The following SCP2 variants were observed in gnomAD, a reference collection of about 807,000 sequenced individuals.
The protein encoded by SCP2 is sterol carrier protein 2, also known as SCP-2/3-oxoacyl-CoA thiolase.
SCP2 carries 48 observed loss-of-function variants against 71.4 expected under a neutral mutation model. The observed-to-expected ratio is 0.67, with a 90% CI of 0.53 to 0.86. The LOEUF (loss-of-function observed/expected upper bound fraction) is 0.86. Ranked by LOEUF, SCP2 falls within the 40% of genes least tolerant of loss-of-function variation. The pLI is 0.00. For missense variants in SCP2, 560 were observed against 655.6 expected (o/e 0.85, Z 1.59); for synonymous variants, 220 against 218.1 (o/e 1.01, Z -0.08).
chr1:52,928,481 C>T lies in SCP2; in HGVS notation c.69+1016C>T, dbSNP rs532403376. Reference sequence around the variant, plus strand: ...ACCAGTGGGCTGAGCGTACCTAATTCAGTCCAACATGTAAATAGGCCGGGG... The same window carrying T: ...ACCAGTGGGCTGAGCGTACCTAATTTAGTCCAACATGTAAATAGGCCGGGG... On this transcript the variant is annotated intron_variant, in intron 1 of 15. Coordinates refer to ENST00000371514, the MANE Select transcript of SCP2 (RefSeq NM_002979.5). Among the ~76,000 whole-genome samples, 28 of 152,338 alleles carry T rather than the reference C, an allele frequency of 1.8e-4. No individual in the cohort carries two copies. In the South Asian group the frequency reaches 5.8e-3, roughly 32 times the overall value.
chr1:52,950,726 CAT>C (rs752885337), intron 3 of SCP2, 27 bp from the exon 4 acceptor site: 1 of 1,599,026 alleles, frequency 6.3e-7, no homozygotes, highest in Admixed American at 1.7e-5. Context: ...CATAATTCTC[CAT>C]ATTAAAATTT....
At chr1:53,035,030 G>A (rs1662823238) in intron 13 of SCP2, among the ~76,000 whole-genome samples, 1 of 151,930 alleles carries the variant, frequency 6.6e-6, no homozygotes, top group African/African-American at 2.4e-5. Context: ...GCATGAACCT[G>A]GGAGGCGGAG....
intron 1 of SCP2, chr1:52,928,878 G>C (rs1182434872): frequency 6.5e-6 from 1 of 154,412 alleles, no homozygotes; most frequent in Non-Finnish European, 1.5e-5. Flanking sequence ...TCTAACACAG[G>C]TGGACAGTAG....
chr1:53,013,882 CTTTTTTTT>C (rs71044449), intron 11 of SCP2, among the ~76,000 whole-genome samples: 2 of 63,070 alleles, frequency 3.2e-5, no homozygotes, highest in Non-Finnish European at 6.6e-5. Context: ...ATAGAACATT[CTTTTTTTT>C]TTTTTTTTTT....
chr1:52,948,319 T>G (rs975341256), intron 3 of SCP2, among the ~76,000 whole-genome samples: 3 of 152,222 alleles, frequency 2.0e-5, no homozygotes, highest in Admixed American at 1.3e-4. Flanking sequence ...TGGTGACTAT[T>G]CCAAATTATA....
chr1:52,979,084 A>G (rs962916480), intron 9 of SCP2, among the ~76,000 whole-genome samples: 9 of 152,334 alleles, frequency 5.9e-5, no homozygotes, highest in Admixed American at 2.0e-4. Flanking sequence ...GTAACTGCCC[A>G]AGATCACAGT....
intron 1 of SCP2, among the ~76,000 whole-genome samples, chr1:52,941,270 T>A (rs1654210278): frequency 1.3e-5 from 2 of 152,212 alleles, no homozygotes; most frequent in African/African-American, 4.8e-5. Flanking sequence ...TGGGTAGATG[T>A]CTCTGTCAAG....
At chr1:53,007,281 T>C (rs992649546) in intron 11 of SCP2, among the ~76,000 whole-genome samples, 1 of 152,218 alleles carries the variant, frequency 6.6e-6, no homozygotes, top group Admixed American at 6.5e-5. Context: ...GTGGCCTTAA[T>C]AGACATCTAC....
At chr1:52,981,639 G>A (rs1295928894) in intron 10 of SCP2, among the ~76,000 whole-genome samples, 2 of 151,248 alleles carry the variant, frequency 1.3e-5, no homozygotes, top group Non-Finnish European at 2.9e-5. Flanking sequence ...ACCATGTTGC[G>A]CGGGCTGTTC....
At chr1:53,030,500 C>A (rs1662458076) in intron 13 of SCP2, among the ~76,000 whole-genome samples, 1 of 152,002 alleles carries the variant, frequency 6.6e-6, no homozygotes, top group South Asian at 2.1e-4. Flanking sequence ...CCTTTTAAAA[C>A]ATTTATTTAT....
chr1:52,936,072 A>T (rs1036041898), intron 1 of SCP2, among the ~76,000 whole-genome samples: 2 of 152,260 alleles, frequency 1.3e-5, no homozygotes, highest in Non-Finnish European at 2.9e-5. Context: ...AGAATCAGAT[A>T]TGAGAATTCA....
intron 2 of SCP2, among the ~76,000 whole-genome samples, chr1:52,947,113 G>A (rs1471652558): frequency 6.7e-6 from 1 of 149,404 alleles, no homozygotes; most frequent in East Asian, 2.0e-4. Context: ...CGAGTGTGGT[G>A]ACTCATGTCT....
intron 15 of SCP2, chr1:53,048,943 T>G (rs1438397943): frequency 6.6e-6 from 1 of 152,250 alleles, no homozygotes; most frequent in East Asian, 1.9e-4. Flanking sequence ...CCTGTGGTTC[T>G]CTGGTAATTT....
At chr1:52,936,343 G>C (rs1190646533) in intron 1 of SCP2, among the ~76,000 whole-genome samples, 1 of 152,214 alleles carries the variant, frequency 6.6e-6, no homozygotes, top group Non-Finnish European at 1.5e-5. Flanking sequence ...GGGGTCCTGA[G>C]ACTAAGAAGT....
intron 5 of SCP2, 120 bp from the exon 6 acceptor site, chr1:52,961,383 T>C (rs775106950): frequency 1.1e-5 from 11 of 1,031,416 alleles, no homozygotes; most frequent in Admixed American, 9.8e-5. Context: ...TTGATTCACA[T>C]TGACAATTTC....
intron 11 of SCP2, among the ~76,000 whole-genome samples, chr1:53,000,560 A>C (rs1321932307): frequency 3.3e-5 from 5 of 152,170 alleles, no homozygotes; most frequent in Non-Finnish European, 7.3e-5. Flanking sequence ...ACATCAGTTC[A>C]GTAGTGACTT....
chr1:53,017,565 T>C (rs769731855), intron 12 of SCP2, among the ~76,000 whole-genome samples: 3 of 152,250 alleles, frequency 2.0e-5, no homozygotes, highest in Admixed American at 6.5e-5. Context: ...TATTCCATTG[T>C]ATGGAAGTGT....
At chr1:53,015,403 G>C (rs1038083637) in intron 12 of SCP2, among the ~76,000 whole-genome samples, 1 of 152,154 alleles carries the variant, frequency 6.6e-6, no homozygotes, top group African/African-American at 2.4e-5. Flanking sequence ...TTGGATCTTT[G>C]CAAATTTGTA....
At chr1:53,012,352 T>C (rs1023484302) in intron 11 of SCP2, among the ~76,000 whole-genome samples, 4 of 152,276 alleles carry the variant, frequency 2.6e-5, no homozygotes, top group African/African-American at 9.6e-5. Context: ...TTCCATACTT[T>C]GTTGAACTTA....
Sources: gnomAD v4.1 joint callset for allele counts (sites outside exome capture counted in the v4.1 genomes callset) on GRCh38, gnomAD v4.1.1 for gene constraint, MANE v1.5 for transcripts, NCBI Gene and HGNC (gene_info 2026-07-23, HGNC 2026-07-21) for gene names.